COL23A1: variants seen among roughly 807,000 people sequenced by gnomAD.
The protein encoded by COL23A1 is collagen type XXIII alpha 1 chain, also known as collagen alpha-1(XXIII) chain.
A neutral mutation model predicts 99.3 loss-of-function variants in COL23A1; 97 were observed. The ratio of observed to expected loss-of-function variants is 0.98; its 90% CI spans 0.83 to 1.16. COL23A1 has a LOEUF of 1.16. Among genes scored for constraint, COL23A1 ranks in the 50% most tolerant of loss-of-function variants. COL23A1 has a pLI of 0.00. For synonymous variants in COL23A1, 320 were observed against 308.2 expected (o/e 1.04, Z -0.40); for missense variants, 762 against 757.4 (o/e 1.01, Z -0.07).
At chr5:178,466,061 C>T (rs915618951) in intron 2 of COL23A1, among the ~76,000 whole-genome samples, 4 of 152,188 alleles carry the variant, frequency 2.6e-5, no homozygotes, top group Non-Finnish European at 5.9e-5. Context: ...TCCTGGTGAA[C>T]GACCCCCATG....
intron 1 of COL23A1, chr5:178,562,372 G>A (rs6898605): frequency 0.09 from 16,196 of 179,854 alleles, 918 homozygotes; most frequent in Middle Eastern, 0.17. Context: ...GGCTAACATG[G>A]TGAAACCTCG....
At chr5:178,392,345 C>CT (rs1764014284) in intron 2 of COL23A1, among the ~76,000 whole-genome samples, 2 of 152,250 alleles carry the variant, frequency 1.3e-5, no homozygotes, top group Admixed American at 6.5e-5. Context: ...GCACACTCAC[C>CT]TTATTTATAT....
chr5:178,409,956 G>A (rs1561946884), intron 2 of COL23A1, among the ~76,000 whole-genome samples: 1 of 152,140 alleles, frequency 6.6e-6, no homozygotes, highest in Non-Finnish European at 1.5e-5. Context: ...AGATTGAGGA[G>A]CGCTTTCTAG....
chr5:178,323,239 G>A (rs748174904), intron 2 of COL23A1, among the ~76,000 whole-genome samples: 13 of 152,062 alleles, frequency 8.5e-5, no homozygotes, highest in Non-Finnish European at 1.6e-4. Flanking sequence ...CCTGTCTCTG[G>A]GGCTTGGCAA....
chr5:178,321,444 T>C (rs964961895), intron 2 of COL23A1, among the ~76,000 whole-genome samples: 3 of 150,660 alleles, frequency 2.0e-5, no homozygotes, highest in Admixed American at 1.3e-4. Context: ...TCAAGGTCCA[T>C]CCATGTTATA....
At chr5:178,514,336 C>T (rs905908425) in intron 2 of COL23A1, among the ~76,000 whole-genome samples, 4 of 152,198 alleles carry the variant, frequency 2.6e-5, no homozygotes, top group African/African-American at 9.7e-5. Flanking sequence ...TTGGGCTGCT[C>T]CCACGTCTTG....
In COL23A1 at chr5:178,589,926, T is replaced by G. The variant is rs1337413402; in HGVS notation, c.272A>C (p.His91Pro). The G allele has an allele frequency of 1.5e-6, 2 of 1,319,646 alleles. No individual in the cohort carries two copies. Among genetic ancestry groups the G allele is most frequent in the Non-Finnish European group, 1.9e-6 (2 of 1,040,886 alleles). The allele number at this position is 1,319,646 out of a possible 1,614,324, so 81.7% of individuals were successfully genotyped here. ...PGALDAWAEP[H>P]LERLLREKLD... Reference sequence around the variant, plus strand: ...CACCTCCCGCAGCAGGCGCTCCAGGTGCGGCTCGGCCCAGGCGTCCAGGGC... The same window carrying G: ...CACCTCCCGCAGCAGGCGCTCCAGGGGCGGCTCGGCCCAGGCGTCCAGGGC... Residue 91 changes from histidine to proline, a missense_variant, in exon 1 of 29, where the codon CAC (histidine) becomes CCC (proline). His to Pro is a moderately conservative substitution (Grantham distance 77, BLOSUM62 -2). Transcript: ENST00000390654. This position sits in a 1 kb window ranked among gnomAD's most constrained non-coding sequence, Gnocchi z 5.4.
intron 1 of COL23A1, among the ~76,000 whole-genome samples, chr5:178,584,676 G>A (rs145968389): frequency 1.4e-4 from 22 of 152,266 alleles, no homozygotes; most frequent in African/African-American, 5.3e-4. Flanking sequence ...GCTCTGGAAG[G>A]GGATTTGGAG....
chr5:178,322,192 C>T (rs542376470), intron 2 of COL23A1, among the ~76,000 whole-genome samples: 1 of 152,044 alleles, frequency 6.6e-6, no homozygotes, highest in East Asian at 1.9e-4. Flanking sequence ...CGGGATTTCA[C>T]TGTGTTGGCC....
rs1287030605 is a variant in COL23A1 at position 178,340,854 on chromosome 5, C to T, written c.362-33935G>A. On this transcript the variant is annotated intron_variant, in intron 2 of 28. Transcript: ENST00000390654. This position sits in a 1 kb window ranked among gnomAD's most constrained non-coding sequence, Gnocchi z 4.7. ...TGTTGCTCTCTTTGCAAGCATGAAGCGTGAGGCCAGGCAGCATGGCTGATG... is the reference window on the plus strand; with the variant it reads ...TGTTGCTCTCTTTGCAAGCATGAAGTGTGAGGCCAGGCAGCATGGCTGATG... Among the ~76,000 whole-genome samples, 12 of 152,208 alleles carry T rather than the reference C, an allele frequency of 7.9e-5. No homozygotes were observed.
At chr5:178,472,090 G>A (rs1756785850) in intron 2 of COL23A1, among the ~76,000 whole-genome samples, 1 of 152,184 alleles carries the variant, frequency 6.6e-6, no homozygotes, top group Non-Finnish European at 1.5e-5. Context: ...TGGGGAGGTC[G>A]AGGCTGCAGT....
intron 2 of COL23A1, among the ~76,000 whole-genome samples, chr5:178,432,405 G>T (rs1344062678): frequency 6.6e-6 from 1 of 152,222 alleles, no homozygotes. Flanking sequence ...CAGCTGGAGT[G>T]ATAAGTGGCA....
intron 2 of COL23A1, among the ~76,000 whole-genome samples, chr5:178,312,693 C>T (rs1581133731): frequency 1.3e-5 from 2 of 152,076 alleles, no homozygotes; most frequent in East Asian, 3.9e-4. Context: ...GACAGCCTGC[C>T]CAGGCCTCTC....
intron 2 of COL23A1, among the ~76,000 whole-genome samples, chr5:178,397,558 A>T (rs78005938): frequency 0.031 from 4,650 of 152,312 alleles, 235 homozygotes; most frequent in African/African-American, 0.11. Context: ...GCCCCCACTC[A>T]TGCCGCTGTC....
At chr5:178,511,976 T>C (rs1365354894) in intron 2 of COL23A1, among the ~76,000 whole-genome samples, 1 of 152,224 alleles carries the variant, frequency 6.6e-6, no homozygotes, top group Non-Finnish European at 1.5e-5. Context: ...ATTTCGTAAC[T>C]ATCTTTTTGG....
intron 2 of COL23A1, among the ~76,000 whole-genome samples, chr5:178,363,857 C>T (rs1222208683): frequency 6.6e-6 from 1 of 152,250 alleles, no homozygotes; most frequent in East Asian, 1.9e-4. Flanking sequence ...TTAGCAAGTC[C>T]TTTCCACACT....
At chr5:178,576,077 T>A (rs1265477218) in intron 1 of COL23A1, among the ~76,000 whole-genome samples, 1 of 152,158 alleles carries the variant, frequency 6.6e-6, no homozygotes, top group Non-Finnish European at 1.5e-5. Context: ...CCCTTCAGAC[T>A]GTGTTTCTCC....
At chr5:178,359,438 G>C (rs1245668481) in intron 2 of COL23A1, among the ~76,000 whole-genome samples, 1 of 152,238 alleles carries the variant, frequency 6.6e-6, no homozygotes, top group Non-Finnish European at 1.5e-5. Context: ...TGAGGCAGGA[G>C]AATTGCTTGA....
chr5:178,467,170 G>A (rs1315557506), intron 2 of COL23A1, among the ~76,000 whole-genome samples: 1 of 152,196 alleles, frequency 6.6e-6, no homozygotes. Flanking sequence ...CTTGCACAGG[G>A]AGCTAGCTCA....
Sources: gnomAD v4.1 joint callset for allele counts (sites outside exome capture counted in the v4.1 genomes callset) on GRCh38, gnomAD v4.1.1 for gene constraint, Gnocchi (gnomAD v3.1) non-coding constraint, MANE v1.5 for transcripts, NCBI Gene and HGNC (gene_info 2026-07-23, HGNC 2026-07-21) for gene names.